The following CNTN3 variants were observed in gnomAD, a reference collection of about 807,000 sequenced individuals.
The protein encoded by CNTN3 is contactin 3.
A neutral mutation model predicts 119.1 loss-of-function variants in CNTN3; 60 were observed. The ratio of observed to expected loss-of-function variants is 0.50; its 90% CI spans 0.41 to 0.62. The LOEUF (loss-of-function observed/expected upper bound fraction) is 0.62, where lower values mean the gene tolerates loss of function less well. Ranked by LOEUF, CNTN3 falls within the 20% of genes least tolerant of loss-of-function variation. The pLI, the probability that CNTN3 is intolerant of heterozygous loss-of-function variation, is 0.00. For synonymous variants in CNTN3, 450 were observed against 438.7 expected, an observed-to-expected ratio of 1.03 and a Z score of -0.32; for missense variants, 1,101 against 1,242.4, an observed-to-expected ratio of 0.89 and a Z score of 1.71.
chr3:74,437,644 A>C lies in CNTN3; in HGVS notation c.359-12704T>G, dbSNP rs75291597. Among the ~76,000 whole-genome samples, 312 of 152,246 alleles carry C rather than the reference A, an allele frequency of 2.0e-3. 1 individual carries two copies. Among genetic ancestry groups the C allele is most frequent in the African/African-American group, 7.1e-3 (296 of 41,540 alleles). ...TTACTACAAACTGAAGAGTCAACTA[A>C]ATCTTTGCTTTCTTAAAAGAGTTTC... is the stretch of plus-strand genomic sequence containing the variant. On this transcript the variant is annotated intron_variant, in intron 4 of 22. Coordinates refer to ENST00000263665, the MANE Select transcript of CNTN3 (RefSeq NM_020872.3).
intron 4 of CNTN3, among the ~76,000 whole-genome samples, chr3:74,455,503 C>T (rs1296067170): frequency 6.6e-6 from 1 of 152,136 alleles, no homozygotes; most frequent in African/African-American, 2.4e-5. Flanking sequence ...CTCGACTCGT[C>T]AAAGTCATTC....
intron 4 of CNTN3, among the ~76,000 whole-genome samples, chr3:74,434,444 C>A (rs1701834197): frequency 6.6e-6 from 1 of 152,142 alleles, no homozygotes; most frequent in Admixed American, 6.5e-5. Context: ...AAAAATAAAA[C>A]ACATCTTCCA....
At chr3:74,376,128 GC>G (rs1213155874) in intron 5 of CNTN3, among the ~76,000 whole-genome samples, 1 of 152,134 alleles carries the variant, frequency 6.6e-6, no homozygotes, top group Non-Finnish European at 1.5e-5. Context: ...CTCCCCTGGA[GC>G]CCCAAGGAAC....
chr3:74,398,844 T>C (rs933499919), intron 5 of CNTN3, among the ~76,000 whole-genome samples: 1 of 152,210 alleles, frequency 6.6e-6, no homozygotes, highest in Non-Finnish European at 1.5e-5. Flanking sequence ...AAGCTTTGAT[T>C]GATCACTTAT....
intron 4 of CNTN3, among the ~76,000 whole-genome samples, chr3:74,431,302 C>T (rs1333890518): frequency 6.6e-6 from 1 of 152,050 alleles, no homozygotes; most frequent in Non-Finnish European, 1.5e-5. Context: ...TTTCCCCTTC[C>T]TACATATTGT....
At chr3:74,326,803 T>A (rs1327892202) in intron 13 of CNTN3, among the ~76,000 whole-genome samples, 3 of 152,180 alleles carry the variant, frequency 2.0e-5, no homozygotes, top group African/African-American at 7.2e-5. Context: ...CTTTTATTTG[T>A]TTCATACTTT....
At chr3:74,353,480 G>A (rs1703861523) in intron 11 of CNTN3, among the ~76,000 whole-genome samples, 1 of 152,202 alleles carries the variant, frequency 6.6e-6, no homozygotes, top group South Asian at 2.1e-4. Flanking sequence ...GCATAGGCCG[G>A]GTGCCGTGGC....
At chr3:74,429,422 C>A (rs1701747580) in intron 4 of CNTN3, among the ~76,000 whole-genome samples, 2 of 142,166 alleles carry the variant, frequency 1.4e-5, no homozygotes, top group Admixed American at 7.2e-5. Flanking sequence ...TGAAAAAATG[C>A]AATTCAATGG....
intron 5 of CNTN3, among the ~76,000 whole-genome samples, chr3:74,393,230 T>TC (rs1349583055): frequency 1.3e-5 from 2 of 152,192 alleles, no homozygotes; most frequent in African/African-American, 4.8e-5. Context: ...ATATTTTTTT[T>TC]CTTAATACAT....
intron 3 of CNTN3, among the ~76,000 whole-genome samples, chr3:74,489,323 C>G (rs1458949782): frequency 6.6e-6 from 1 of 152,078 alleles, no homozygotes; most frequent in African/African-American, 2.4e-5. Context: ...ACAGTAGACA[C>G]AAGCAGAAAA....
Position 74,424,934 on chromosome 3 carries a change from T to C in CNTN3, c.365A>G (p.Glu122Gly). The stretch of plus-strand genomic sequence containing the variant: ...ACTCCTCATTTTGGTTTTAAAATTT[T>C]CAAGATCTGATTTGAAAACAAAACA... ...REAKLQFAYLENFKTKMRSTV... is the reference protein window; with the variant it reads ...REAKLQFAYLGNFKTKMRSTV... The change falls in exon 5 of 23, where the codon GAA becomes GGA. Residue 122 changes from glutamate (E) to glycine (G), a missense_variant. By Grantham distance (98) the Glu-to-Gly change is moderately conservative (BLOSUM62 -2). Transcript: ENST00000263665. 1 of 1,597,754 alleles carries C rather than the reference T, an allele frequency of 6.3e-7. No homozygotes were observed. Among genetic ancestry groups the C allele is most frequent in the South Asian group, 1.1e-5 (1 of 88,062 alleles).
chr3:74,427,305 G>A (rs1361864450), intron 4 of CNTN3, among the ~76,000 whole-genome samples: 1 of 152,138 alleles, frequency 6.6e-6, no homozygotes, highest in East Asian at 1.9e-4. Flanking sequence ...TGTAACCAAG[G>A]CTTTAACAAG....
At chr3:74,376,331 G>A (rs1480552731) in intron 5 of CNTN3, among the ~76,000 whole-genome samples, 1 of 152,168 alleles carries the variant, frequency 6.6e-6, no homozygotes, top group Non-Finnish European at 1.5e-5. Flanking sequence ...GAGCAAGCAA[G>A]CAAAGCTTCA....
At chr3:74,491,970 T>C (rs540991311) in intron 3 of CNTN3, among the ~76,000 whole-genome samples, 2 of 152,304 alleles carry the variant, frequency 1.3e-5, no homozygotes, top group South Asian at 4.1e-4. Flanking sequence ...CTCTTGGGGC[T>C]ACACACCCCA....
At chr3:74,543,221 C>G (rs1298564161) in intron 1 of CNTN3, among the ~76,000 whole-genome samples, 2 of 152,044 alleles carry the variant, frequency 1.3e-5, no homozygotes, top group Non-Finnish European at 2.9e-5. Context: ...TATAAACAAT[C>G]AAGATAAAAT....
chr3:74,351,311 G>T (rs1031162104), intron 11 of CNTN3, among the ~76,000 whole-genome samples: 11 of 152,184 alleles, frequency 7.2e-5, no homozygotes, highest in African/African-American at 2.7e-4. Context: ...GAAACCTTGG[G>T]TTTATCTGCC....
chr3:74,318,204 C>T (rs1438476608), intron 13 of CNTN3, among the ~76,000 whole-genome samples: 1 of 152,168 alleles, frequency 6.6e-6, no homozygotes, highest in Non-Finnish European at 1.5e-5. Flanking sequence ...CCTTTAAGGA[C>T]TTCTCTGCGT....
At chr3:74,528,641 CTG>C (rs1703653530) in intron 1 of CNTN3, among the ~76,000 whole-genome samples, 3 of 151,952 alleles carry the variant, frequency 2.0e-5, no homozygotes, top group Admixed American at 2.0e-4. Context: ...AAGATAGAAA[CTG>C]TGTACTTACA....
At chr3:74,504,075 G>C (rs940186832) in intron 2 of CNTN3, among the ~76,000 whole-genome samples, 16 of 151,994 alleles carry the variant, frequency 1.1e-4, no homozygotes, top group African/African-American at 3.9e-4. Context: ...CATAGACAAG[G>C]GATTCTGGGC....
Sources: allele counts gnomAD v4.1 joint callset (sites outside exome capture counted in the v4.1 genomes callset), GRCh38; gene constraint gnomAD v4.1.1; transcripts MANE v1.5; gene names NCBI Gene and HGNC (gene_info 2026-07-23, HGNC 2026-07-21).